The following MARCHF1 variants were observed in gnomAD, a reference collection of about 807,000 sequenced individuals.
MARCHF1 encodes membrane associated ring-CH-type finger 1.
MARCHF1 carries 40 observed loss-of-function variants against 54.2 expected under a neutral mutation model. The ratio of observed to expected loss-of-function variants is 0.74; its 90% CI spans 0.57 to 0.96. MARCHF1 has a LOEUF of 0.96. Ranked by LOEUF, MARCHF1 falls within the 40% of genes least tolerant of loss-of-function variation. The pLI, the probability that MARCHF1 is intolerant of heterozygous loss-of-function variation, is 0.00. For synonymous variants in MARCHF1, 236 were observed against 236.3 expected, an observed-to-expected ratio of 1.00 and a Z score of 0.01; for missense variants, 586 against 656.5, an observed-to-expected ratio of 0.89 and a Z score of 1.17.
chr4:163,539,041 A>G (rs769318914), intron 9 of MARCHF1, among the ~76,000 whole-genome samples: 1 of 149,312 alleles, frequency 6.7e-6, no homozygotes, highest in Non-Finnish European at 1.5e-5. Context: ...TTATTTTGAG[A>G]CAGAGTCTTG....
chr4:164,054,672 G>T (rs377083583), intron 2 of MARCHF1, among the ~76,000 whole-genome samples: 1,917 of 149,698 alleles, frequency 0.013, 29 homozygotes, highest in African/African-American at 0.041. Flanking sequence ...GTAAACTATC[G>T]CAAGAACAAA....
chr4:164,007,663 T>C lies in MARCHF1; in HGVS notation c.-247-18954A>G, dbSNP rs1332468337. ...CTCTCTCTCTGTGTGTGTGTGTGTG[T>C]GTGTGTGTGTGTGTGTGTGTGTGTG... On this transcript the variant is annotated intron_variant, in intron 2 of 9. Coordinates refer to ENST00000514618, the MANE Select transcript of MARCHF1 (RefSeq NM_001394959.1). Among the ~76,000 whole-genome samples the C allele has an allele frequency of 4.6e-5, 7 of 151,226 alleles. 1 individual carries two copies. The South Asian group carries it at 1.5e-3, about 31-fold the overall frequency.
At chr4:163,573,114 T>C (rs1315651195) in intron 8 of MARCHF1, among the ~76,000 whole-genome samples, 2 of 152,046 alleles carry the variant, frequency 1.3e-5, no homozygotes, top group Admixed American at 1.3e-4. Context: ...AATCTCACAC[T>C]TGCATGTTAG....
chr4:164,001,596 G>A (rs1753187970), intron 2 of MARCHF1, among the ~76,000 whole-genome samples: 1 of 151,884 alleles, frequency 6.6e-6, no homozygotes, highest in Admixed American at 6.6e-5. Flanking sequence ...ATTCCTGAAA[G>A]TGGGAAACAA....
chr4:164,140,743 AACATACACACACACATACATACAT>A (rs1460399221), intron 1 of MARCHF1, among the ~76,000 whole-genome samples: 1 of 138,956 alleles, frequency 7.2e-6, no homozygotes, highest in African/African-American at 2.9e-5. Flanking sequence ...GTGTTTTGGT[AACATACACACACACATACATACAT>A]ACATACACAC....
intron 3 of MARCHF1, among the ~76,000 whole-genome samples, chr4:163,940,394 T>C (rs1183529037): frequency 6.6e-6 from 1 of 152,152 alleles, no homozygotes; most frequent in Non-Finnish European, 1.5e-5. Flanking sequence ...TATCTGTTTC[T>C]GTAAATATCT....
intron 7 of MARCHF1, among the ~76,000 whole-genome samples, chr4:163,597,106 C>T (rs146446900): frequency 2.6e-5 from 4 of 152,140 alleles, no homozygotes; most frequent in Non-Finnish European, 5.9e-5. Flanking sequence ...CAGGCATGTA[C>T]TACCACGCCC....
chr4:164,060,085 T>C (rs750441458), intron 2 of MARCHF1, among the ~76,000 whole-genome samples: 5 of 152,172 alleles, frequency 3.3e-5, no homozygotes, highest in African/African-American at 4.8e-5. Flanking sequence ...ATTCAAATTA[T>C]TTCAGCTTTG....
chr4:164,138,667 C>T (rs1416370324), intron 1 of MARCHF1, among the ~76,000 whole-genome samples: 4 of 152,162 alleles, frequency 2.6e-5, no homozygotes, highest in Non-Finnish European at 5.9e-5. Flanking sequence ...GTCATTATCA[C>T]TCCTCTACTT....
intron 1 of MARCHF1, among the ~76,000 whole-genome samples, chr4:164,377,755 G>T (rs897817883): frequency 3.3e-5 from 5 of 152,150 alleles, no homozygotes; most frequent in African/African-American, 7.2e-5. Flanking sequence ...CTGTCACAAA[G>T]ATTTACCTCA....
At chr4:163,968,498 C>T (rs531726369) in intron 3 of MARCHF1, among the ~76,000 whole-genome samples, 1 of 152,148 alleles carries the variant, frequency 6.6e-6, no homozygotes. Flanking sequence ...ACTTATTTTG[C>T]ACATCTTACT....
chr4:164,358,121 C>T (rs971012862), intron 1 of MARCHF1, among the ~76,000 whole-genome samples: 1 of 152,086 alleles, frequency 6.6e-6, no homozygotes, highest in Non-Finnish European at 1.5e-5. Context: ...ATTAATCAGT[C>T]CACATTATGC....
At position 163,895,890 on chromosome 4, in the gene MARCHF1, T is replaced by A. The variant is rs1025387416; in HGVS notation, c.-38-41721A>T. Among the ~76,000 whole-genome samples the A allele has an allele frequency of 5.3e-5, 8 of 152,212 alleles. No homozygotes were observed. In the East Asian group the frequency reaches 1.4e-3, roughly 26 times the overall value. ...CTCTCTCATTTGCTCAGTCATGCAG[T>A]AAGCATGACCCCCCCACTGCCCCAC... is the stretch of plus-strand genomic sequence containing the variant. On this transcript the variant is annotated intron_variant, in intron 3 of 9. Coordinates refer to ENST00000514618, the MANE Select transcript of MARCHF1 (RefSeq NM_001394959.1).
chr4:164,332,401 T>C (rs567394427), intron 1 of MARCHF1, among the ~76,000 whole-genome samples: 2 of 152,344 alleles, frequency 1.3e-5, no homozygotes, highest in East Asian at 3.9e-4. Flanking sequence ...TGAGTTGCTC[T>C]ACTTAAATTT....
intron 1 of MARCHF1, among the ~76,000 whole-genome samples, chr4:164,303,063 G>A (rs1273086637): frequency 1.3e-5 from 2 of 151,960 alleles, no homozygotes; most frequent in African/African-American, 4.8e-5. Context: ...GGAGTGGTTG[G>A]ACACCATTAC....
chr4:164,318,353 T>C (rs111631852), intron 1 of MARCHF1, among the ~76,000 whole-genome samples: 7 of 152,206 alleles, frequency 4.6e-5, no homozygotes, highest in African/African-American at 1.7e-4. Context: ...AGGGGGTTGG[T>C]TTTGTTATAC....
At chr4:164,172,284 T>C (rs188389985) in intron 1 of MARCHF1, among the ~76,000 whole-genome samples, 1 of 152,348 alleles carries the variant, frequency 6.6e-6, no homozygotes, top group Non-Finnish European at 1.5e-5. Flanking sequence ...TTATAATCAC[T>C]TTATAGGTGG....
chr4:163,623,042 T>G (rs1741742142), intron 5 of MARCHF1, among the ~76,000 whole-genome samples: 1 of 152,148 alleles, frequency 6.6e-6, no homozygotes, highest in Non-Finnish European at 1.5e-5. Context: ...ATAATGACTG[T>G]CATCAGGGAG....
chr4:163,973,884 T>A (rs1752599380), intron 3 of MARCHF1, among the ~76,000 whole-genome samples: 1 of 152,208 alleles, frequency 6.6e-6, no homozygotes, highest in African/African-American at 2.4e-5. Flanking sequence ...ATGAAGTGAA[T>A]TTTCCTCTTC....
Sources: gnomAD v4.1 joint callset for allele counts (sites outside exome capture counted in the v4.1 genomes callset) on GRCh38, gnomAD v4.1.1 for gene constraint, MANE v1.5 for transcripts, NCBI Gene and HGNC (gene_info 2026-07-23, HGNC 2026-07-21) for gene names.